Variants in DNMT1 observed in about 807,000 individuals in gnomAD.
The protein encoded by DNMT1 is DNA (cytosine-5)-methyltransferase 1.
Under a neutral mutation model 205.3 loss-of-function variants are expected in DNMT1, and 24 were observed. The ratio of observed to expected loss-of-function variants is 0.12; its 90% CI spans 0.08 to 0.16. The LOEUF (loss-of-function observed/expected upper bound fraction) is 0.16, where lower values mean the gene tolerates loss of function less well. Ranked by LOEUF, DNMT1 falls within the 10% of genes least tolerant of loss-of-function variation. DNMT1 has a pLI of 1.00. For synonymous variants in DNMT1, 817 were observed against 839.8 expected (o/e 0.97, Z 0.47); for missense variants, 1,293 against 2,177.7 (o/e 0.59, Z 8.09).
At chr19:10,160,272 A>G (rs2038541446) in intron 14 of DNMT1, 112 bp downstream of exon 14, 2 of 1,564,186 alleles carry the variant, frequency 1.3e-6, no homozygotes, top group Non-Finnish European at 1.7e-6. Flanking sequence ...AACCCGATCC[A>G]AAATGAGCCT....
At chr19:10,142,563 C>G (rs1568225215) in intron 29 of DNMT1, among the ~76,000 whole-genome samples, 1 of 150,524 alleles carries the variant, frequency 6.6e-6, no homozygotes, top group Admixed American at 6.6e-5. Flanking sequence ...CCCCTCCTCA[C>G]ATTAGGGAAC....
At chr19:10,163,602 C>T (rs1248991644) in intron 11 of DNMT1, among the ~76,000 whole-genome samples, 1 of 152,154 alleles carries the variant, frequency 6.6e-6, no homozygotes, top group Non-Finnish European at 1.5e-5. Flanking sequence ...CAGGGCTTGG[C>T]AAACTGTTTT....
intron 14 of DNMT1, 27 bp from the exon 15 acceptor site, chr19:10,160,090 T>C (rs1293657090): frequency 6.2e-7 from 1 of 1,611,314 alleles, no homozygotes; most frequent in Admixed American, 1.7e-5. Flanking sequence ...AATCACAAGA[T>C]CGTTTGTTTA....
chr19:10,148,585 A>G (rs1283101693), intron 27 of DNMT1, among the ~76,000 whole-genome samples: 1 of 152,192 alleles, frequency 6.6e-6, no homozygotes, highest in Admixed American at 6.5e-5. Context: ...ACAGCCAAAA[A>G]CATGCAAGAG....
chr19:10,183,125 A>ATATACGTGTGTATATATATATTTT (rs767124770), intron 1 of DNMT1, among the ~76,000 whole-genome samples: 1 of 117,480 alleles, frequency 8.5e-6, no homozygotes, highest in African/African-American at 3.4e-5. Flanking sequence ...ATATATATAT[A>ATATACGTGTGTATATATATATTTT]TTTTTTTTTT....
At chr19:10,167,022 C>A (rs1447580821) in intron 10 of DNMT1, among the ~76,000 whole-genome samples, 3 of 152,140 alleles carry the variant, frequency 2.0e-5, no homozygotes, top group African/African-American at 7.2e-5. Flanking sequence ...GAGAGCTGGG[C>A]TGATGTGCGA....
At chr19:10,145,715 G>T (rs2038183811) in intron 28 of DNMT1, among the ~76,000 whole-genome samples, 3 of 152,248 alleles carry the variant, frequency 2.0e-5, no homozygotes, top group Non-Finnish European at 4.4e-5. Context: ...CAGCAGGCAA[G>T]ATCCCACTCT....
At chr19:10,175,661 T>TA in intron 6 of DNMT1, 43 bp from the exon 7 acceptor site, 2 of 1,602,606 alleles carry the variant, frequency 1.2e-6, no homozygotes, top group African/African-American at 2.7e-5. Flanking sequence ...AACAAGACCC[T>TA]AGGCCTCCAG....
At chr19:10,135,436 T>C in intron 39 of DNMT1, 4 of 458,418 alleles carry the variant, frequency 8.7e-6, no homozygotes, top group African/African-American at 2.0e-5. Context: ...CATTTGAACC[T>C]ACAGCGAGTG....
Position 10,146,545 on chromosome 19 carries a change from G to A in DNMT1, c.2721-21C>T. 1 of 1,613,734 alleles carries A rather than the reference G, an allele frequency of 6.2e-7. No homozygotes were observed. Among genetic ancestry groups the A allele is most frequent in the Non-Finnish European group, 8.5e-7 (1 of 1,180,024 alleles). On this transcript the variant is annotated intron_variant, in intron 27 of 40. Coordinates refer to ENST00000359526, the MANE Select transcript of DNMT1 (RefSeq NM_001130823.3). This position sits in a 1 kb window ranked among gnomAD's most constrained non-coding sequence, Gnocchi z 4.4. ...AGAATCTGAAGGAAACAAAGGGACAGAAACATAAGGCCCTGAGGTGGCCGG... is the reference window on the plus strand; with the variant it reads ...AGAATCTGAAGGAAACAAAGGGACAAAAACATAAGGCCCTGAGGTGGCCGG...
At chr19:10,189,587 ATT>A (rs112462104) in intron 1 of DNMT1, among the ~76,000 whole-genome samples, 1 of 139,442 alleles carries the variant, frequency 7.2e-6, no homozygotes, top group African/African-American at 2.7e-5. Context: ...TTTTGGCTTT[ATT>A]TTTTTTTTTG....
chr19:10,143,644 GA>G (rs2145275251), intron 29 of DNMT1, 121 bp downstream of exon 29: 2 of 1,137,048 alleles, frequency 1.8e-6, no homozygotes, highest in South Asian at 2.5e-5. Context: ...GAAACACTTG[GA>G]AAAACAGCTA....
Position 10,166,696 on chromosome 19 carries a change from A to G in DNMT1, c.804-11T>C. On this transcript the variant is annotated splice_polypyrimidine_tract_variant and intron_variant, in intron 10 of 40. Transcript: ENST00000359526. ...TTCTGTTTGGGTGTTCTGTCACAGAAGACAACACACACACAGGCTGGTCAG... is the reference window on the plus strand; with the variant it reads ...TTCTGTTTGGGTGTTCTGTCACAGAGGACAACACACACACAGGCTGGTCAG... The G allele has an allele frequency of 6.2e-7, 1 of 1,614,032 alleles. No homozygotes were observed. The highest frequency in any genetic ancestry group is 8.5e-7 in the Non-Finnish European group (1 of 1,179,972).
At position 10,162,664 on chromosome 19, in the gene DNMT1, T is replaced by C. The variant is rs2038596283; in HGVS notation, c.1008+3A>G. The C allele has an allele frequency of 6.2e-7, 1 of 1,611,850 alleles. No individual in the cohort carries two copies. Among genetic ancestry groups the C allele is most frequent in the Non-Finnish European group, 8.5e-7 (1 of 1,178,814 alleles). On this transcript the variant is annotated splice_donor_region_variant and intron_variant, in intron 13 of 40. Transcript: ENST00000359526. Reference sequence around the variant, plus strand: ...AAGAAAGAAAGAAAAGTGAGACCTTTACCTTTTCATCCTCGTCTTTTTCAT... The same window carrying C: ...AAGAAAGAAAGAAAAGTGAGACCTTCACCTTTTCATCCTCGTCTTTTTCAT...
At chr19:10,142,349 GTA>G in intron 29 of DNMT1, 129 bp from the exon 30 acceptor site, 1 of 1,286,928 alleles carries the variant, frequency 7.8e-7, no homozygotes, top group Non-Finnish European at 1.1e-6. Context: ...GAACCGCAGG[GTA>G]AAGACCCCCT....
chr19:10,168,465 G>T, intron 9 of DNMT1, 101 bp from the exon 10 acceptor site: 1 of 1,232,916 alleles, frequency 8.1e-7, no homozygotes, highest in Non-Finnish European at 1.2e-6. Context: ...TGATTCTAGA[G>T]TCCACTGGTG....
Position 10,137,727 on chromosome 19 carries a change from G to A in DNMT1, c.4293+105C>T, listed in dbSNP as rs1348722774. 3 of 1,452,788 alleles carry A rather than the reference G, an allele frequency of 2.1e-6. No homozygotes were observed. Among genetic ancestry groups the A allele is most frequent in the East Asian group, 4.9e-5 (2 of 40,754 alleles). The allele number at this position is 1,452,788 out of a possible 1,614,324, so 90.0% of individuals were successfully genotyped here. On this transcript the variant is annotated intron_variant, in intron 36 of 40. Transcript: ENST00000359526. This position sits in a 1 kb window ranked among gnomAD's most constrained non-coding sequence, Gnocchi z 6.4. ...GCTGAGGACTCGGGAGGAGGAGCCT[G>A]GGATCAGATTCCATGTCTCCCCTGA...
At chr19:10,155,265 T>C (rs1172909991) in intron 19 of DNMT1, among the ~76,000 whole-genome samples, 1 of 152,038 alleles carries the variant, frequency 6.6e-6, no homozygotes, top group Non-Finnish European at 1.5e-5. Flanking sequence ...ACTAGCTGAG[T>C]AGGCCTTCAT....
rs1018815357 is a variant in DNMT1, at chr19:10,138,233, C to T, written c.4115+206G>A. Among the ~76,000 whole-genome samples, 1 of 152,258 alleles carries T rather than the reference C, an allele frequency of 6.6e-6. No homozygotes were observed. Among genetic ancestry groups the T allele is most frequent in the Non-Finnish European group, 1.5e-5 (1 of 68,036 alleles). ...GCCAAGCATGCGGCTGGCCGCTCTGCACATGCTATCTACTAGGGAAGCAGA... is the reference window on the plus strand; with the variant it reads ...GCCAAGCATGCGGCTGGCCGCTCTGTACATGCTATCTACTAGGGAAGCAGA... On this transcript the variant is annotated intron_variant, in intron 35 of 40. Transcript: ENST00000359526. This position sits in a 1 kb window ranked among gnomAD's most constrained non-coding sequence, Gnocchi z 4.1.
Sources: gnomAD v4.1 joint callset for allele counts (sites outside exome capture counted in the v4.1 genomes callset) on GRCh38, gnomAD v4.1.1 for gene constraint, Gnocchi (gnomAD v3.1) non-coding constraint, MANE v1.5 for transcripts, NCBI Gene and HGNC (gene_info 2026-07-23, HGNC 2026-07-21) for gene names.